Variants in DIP2C observed in about 807,000 individuals in gnomAD.
DIP2C encodes the protein disco-interacting protein 2 homolog C.
A neutral mutation model predicts 192.4 loss-of-function variants in DIP2C; 33 were observed. The ratio of observed to expected loss-of-function variants is 0.17; its 90% CI spans 0.13 to 0.23. The LOEUF is 0.23. Among genes scored for constraint, DIP2C ranks in the 10% least tolerant of loss-of-function variants. DIP2C has a pLI of 1.00. For missense variants in DIP2C, 1,537 were observed against 2,110.1 expected (o/e 0.73, Z 5.32); for synonymous variants, 979 against 864.1 (o/e 1.13, Z -2.33).
chr10:604,697 T>TAGGGG (rs1390682490), intron 1 of DIP2C, among the ~76,000 whole-genome samples: 2 of 152,256 alleles, frequency 1.3e-5, no homozygotes, highest in African/African-American at 4.8e-5. Context: ...AATTTTCCCC[T>TAGGGG]AAAAGACATT....
At position 371,716 on chromosome 10, in the gene DIP2C, G is replaced by GATCA. The variant is rs1960986644; in HGVS notation, c.1992-2084_1992-2083insTGAT. Among the ~76,000 whole-genome samples, 3 of 106,764 alleles carry GATCA rather than the reference G, an allele frequency of 2.8e-5. No homozygotes were observed. In the South Asian group the frequency reaches 9.3e-4, roughly 33 times the overall value. 70.0% of individuals were successfully genotyped at this position (106,764 alleles called of 152,430 possible). A position where few individuals can be genotyped will look rare whatever the true frequency, so the allele number is the denominator to read the frequency against. Reference sequence around the variant, plus strand: ...GAGGCTGGGGTGAGGCCTGGGCTGAGCTGAGCAGCACCCGAGGGAGGCTGC... The same window carrying GATCA: ...GAGGCTGGGGTGAGGCCTGGGCTGAGATCACTGAGCAGCACCCGAGGGAGGCTGC... On this transcript the variant is annotated intron_variant, in intron 17 of 36. Coordinates refer to ENST00000280886, the MANE Select transcript of DIP2C (RefSeq NM_014974.3).
At chr10:283,619 G>A (rs1954951493) in intron 34 of DIP2C, among the ~76,000 whole-genome samples, 173 bp from the exon 35 acceptor site, 2 of 152,184 alleles carry the variant, frequency 1.3e-5, no homozygotes, top group African/African-American at 4.8e-5. Context: ...GACACACAGA[G>A]GATACTGAAA....
At chr10:384,833 G>A (rs1962738423) in intron 14 of DIP2C, among the ~76,000 whole-genome samples, 194 bp from the exon 15 acceptor site, 1 of 150,948 alleles carries the variant, frequency 6.6e-6, no homozygotes, top group Non-Finnish European at 1.5e-5. Context: ...GAGGGGCATA[G>A]TGGAGGAGCA....
intron 4 of DIP2C, among the ~76,000 whole-genome samples, chr10:439,577 T>C (rs1385289145): frequency 6.6e-6 from 1 of 152,104 alleles, no homozygotes; most frequent in Non-Finnish European, 1.5e-5. Flanking sequence ...AGAGCTGCAA[T>C]CATGACACTG....
intron 24 of DIP2C, among the ~76,000 whole-genome samples, chr10:355,088 C>T (rs994682460): frequency 1.3e-4 from 20 of 152,082 alleles, no homozygotes; most frequent in Non-Finnish European, 8.8e-5. Context: ...AACTCCAGTC[C>T]TCAAGATCTC....
intron 1 of DIP2C, among the ~76,000 whole-genome samples, chr10:656,955 G>A (rs189438617): frequency 7.5e-4 from 114 of 152,300 alleles, no homozygotes; most frequent in African/African-American, 2.6e-3. Flanking sequence ...AGGAGAAATG[G>A]CAGTAGGCTC....
intron 24 of DIP2C, 94 bp from the exon 25 acceptor site, chr10:349,548 G>A: frequency 1.3e-6 from 2 of 1,489,978 alleles, no homozygotes; most frequent in Non-Finnish European, 1.8e-6. Context: ...CTGGCGCAAA[G>A]CATACATCAC....
chr10:377,300 G>T (rs1252461298), intron 17 of DIP2C, among the ~76,000 whole-genome samples: 1 of 152,240 alleles, frequency 6.6e-6, no homozygotes, highest in African/African-American at 2.4e-5. Flanking sequence ...GAACTGGGGG[G>T]GACCCCGTGG....
chr10:572,471 C>G (rs1474118378), intron 1 of DIP2C, among the ~76,000 whole-genome samples: 1 of 152,222 alleles, frequency 6.6e-6, no homozygotes, highest in Non-Finnish European at 1.5e-5. Flanking sequence ...ATGACACTCT[C>G]TCAATATTCC....
Position 447,054 on chromosome 10 carries a change from G to A in DIP2C, c.269-6058C>T, listed in dbSNP as rs542148339. ...GTGAAAAGTGTGAGATTTTTGTCTC[G>A]CATGCAAACTAACAAGGGAGCCAGC... On this transcript the variant is annotated intron_variant, in intron 3 of 36. Transcript: ENST00000280886. 4.6e-3 allele frequency among the ~76,000 whole-genome samples: 696 copies of A among 152,318 alleles called. 7 individuals are homozygous for A. Among genetic ancestry groups the A allele is most frequent in the African/African-American group, 0.015 (631 of 41,554 alleles).
At chr10:571,058 G>A (rs756385405) in intron 1 of DIP2C, among the ~76,000 whole-genome samples, 1 of 152,224 alleles carries the variant, frequency 6.6e-6, no homozygotes, top group Non-Finnish European at 1.5e-5. Context: ...AACGACACGA[G>A]AGTGGTGCCC....
intron 1 of DIP2C, among the ~76,000 whole-genome samples, chr10:579,738 T>C (rs1015915065): frequency 2.6e-5 from 4 of 152,106 alleles, no homozygotes; most frequent in African/African-American, 7.2e-5. Flanking sequence ...ACAGCATACA[T>C]AGGTACACTA....
At chr10:634,848 T>C (rs1201379687) in intron 1 of DIP2C, among the ~76,000 whole-genome samples, 1 of 152,060 alleles carries the variant, frequency 6.6e-6, no homozygotes, top group Non-Finnish European at 1.5e-5. Flanking sequence ...AGCGTAAAAT[T>C]ATCACACACA....
At chr10:586,843 A>C (rs868639471) in intron 1 of DIP2C, among the ~76,000 whole-genome samples, 104 of 134,468 alleles carry the variant, frequency 7.7e-4, no homozygotes, top group African/African-American at 3.9e-3. Flanking sequence ...GCTGCCCCCC[A>C]CATTTTGTGG....
intron 29 of DIP2C, among the ~76,000 whole-genome samples, chr10:338,842 G>A (rs573346339): frequency 5.1e-4 from 66 of 129,480 alleles, no homozygotes; most frequent in Non-Finnish European, 4.2e-4. Flanking sequence ...CACGCTGCAC[G>A]CTGCACCCTG....
intron 24 of DIP2C, among the ~76,000 whole-genome samples, chr10:353,895 T>G (rs1958944832): frequency 6.6e-6 from 1 of 152,236 alleles, no homozygotes; most frequent in Non-Finnish European, 1.5e-5. Context: ...CATGATTCTG[T>G]ATGTGGCGTG....
chr10:411,742 T>C (rs1405917095), intron 8 of DIP2C, among the ~76,000 whole-genome samples: 1 of 152,234 alleles, frequency 6.6e-6, no homozygotes, highest in African/African-American at 2.4e-5. Flanking sequence ...AATCACTCAG[T>C]ATTAGAACAA....
At chr10:609,595 C>T (rs1341535624) in intron 1 of DIP2C, among the ~76,000 whole-genome samples, 3 of 152,168 alleles carry the variant, frequency 2.0e-5, no homozygotes, top group Non-Finnish European at 4.4e-5. Context: ...GCTAATTTCC[C>T]CCCAAAATAG....
At chr10:632,001 T>C (rs972967939) in intron 1 of DIP2C, among the ~76,000 whole-genome samples, 1 of 152,260 alleles carries the variant, frequency 6.6e-6, no homozygotes, top group Non-Finnish European at 1.5e-5. Flanking sequence ...AAGATTACTT[T>C]TAATTTTTGA....
Sources: gnomAD v4.1 joint callset for allele counts (sites outside exome capture counted in the v4.1 genomes callset) on GRCh38, gnomAD v4.1.1 for gene constraint, MANE v1.5 for transcripts, NCBI Gene and HGNC (gene_info 2026-07-23, HGNC 2026-07-21) for gene names.